EXT2: variants seen among roughly 807,000 people sequenced by gnomAD.
The protein encoded by EXT2 is exostosin glycosyltransferase 2, also known as exostosin-2.
In EXT2, 53 loss-of-function variants were observed where a neutral mutation model predicts 81.6. The ratio of observed to expected loss-of-function variants is 0.65; its 90% CI spans 0.52 to 0.82. The LOEUF is 0.82. Ranked by LOEUF, EXT2 falls within the 40% of genes least tolerant of loss-of-function variation. EXT2 has a pLI of 0.00. For synonymous variants in EXT2, 320 were observed against 340.0 expected, an observed-to-expected ratio of 0.94 and a Z score of 0.65; for missense variants, 774 against 910.2, an observed-to-expected ratio of 0.85 and a Z score of 1.93.
rs1439728927 is a variant in EXT2 at position 44,220,121 on chromosome 11, T to A, written c.1663-12232T>A. 6.6e-6 allele frequency among the ~76,000 whole-genome samples: 1 copy of A among 152,196 alleles called. No homozygotes were observed. Among genetic ancestry groups the A allele is most frequent in the East Asian group, 1.9e-4 (1 of 5,190 alleles). ...GTGTTGCTGGTGCTGGAATTCACAG[T>A]GAGCCAGGCCTGGTTTTGGTGTGCA... On this transcript the variant is annotated intron_variant, in intron 10 of 13. Transcript: ENST00000533608. The surrounding 1 kb of genome is among the most constrained non-coding windows in gnomAD (Gnocchi z 4.4).
At chr11:44,204,319 A>G (rs1955555980) in intron 9 of EXT2, among the ~76,000 whole-genome samples, 1 of 152,216 alleles carries the variant, frequency 6.6e-6, no homozygotes, top group Non-Finnish European at 1.5e-5. Context: ...GTGTGCTCAT[A>G]TATTTTCATG....
intron 13 of EXT2, among the ~76,000 whole-genome samples, chr11:44,239,774 A>G (rs1956015102): frequency 1.5e-5 from 2 of 133,102 alleles, no homozygotes; most frequent in African/African-American, 2.9e-5. Context: ...TTATGTATGT[A>G]TATCAAGATA....
intron 13 of EXT2, among the ~76,000 whole-genome samples, chr11:44,237,313 G>A (rs1223343337): frequency 6.6e-6 from 1 of 151,842 alleles, no homozygotes; most frequent in Non-Finnish European, 1.5e-5. Flanking sequence ...CAGTTGGCCT[G>A]GCTTCTATAA....
chr11:44,119,558 C>T (rs1379105689), intron 4 of EXT2, among the ~76,000 whole-genome samples: 5 of 152,186 alleles, frequency 3.3e-5, no homozygotes, highest in Admixed American at 1.3e-4. Flanking sequence ...CTGCCTGGCA[C>T]GTGCCAAACT....
Position 44,172,379 on chromosome 11 carries a change from G to A in EXT2, c.1305+637G>A, listed in dbSNP as rs995571191. ...TAGAAACTGTGGCAGTGGCTTCTAG[G>A]CACAGCTTCTTTCTCACTGAAAATG... On this transcript the variant is annotated intron_variant, in intron 8 of 13. Coordinates refer to ENST00000533608, the MANE Select transcript of EXT2 (RefSeq NM_207122.2). 2.0e-5 allele frequency among the ~76,000 whole-genome samples: 3 copies of A among 152,184 alleles called. No individual in the cohort carries two copies. The East Asian group carries it at 5.8e-4, about 29-fold the overall frequency.
intron 7 of EXT2, among the ~76,000 whole-genome samples, chr11:44,140,466 C>T (rs1372100374): frequency 1.3e-5 from 2 of 152,134 alleles, no homozygotes; most frequent in East Asian, 1.9e-4. Flanking sequence ...AGAGGCTGCT[C>T]CTGCCTCTAT....
In EXT2 at chr11:44,150,455, G is replaced by A. The variant is rs184331441; in HGVS notation, c.1173+20317G>A. On this transcript the variant is annotated intron_variant, in intron 7 of 13. Coordinates refer to ENST00000533608, the MANE Select transcript of EXT2 (RefSeq NM_207122.2). ...TGGGATAAGGTAAAAAGAAAATTGA[G>A]ATTAAATCCTAGGAGAAATTAATTC... Among the ~76,000 whole-genome samples the A allele has an allele frequency of 4.6e-5, 7 of 152,280 alleles. No homozygotes were observed. In the East Asian group the frequency reaches 1.3e-3, roughly 29 times the overall value.
At chr11:44,189,714 A>G (rs546560546) in intron 8 of EXT2, among the ~76,000 whole-genome samples, 1 of 152,350 alleles carries the variant, frequency 6.6e-6, no homozygotes, top group Non-Finnish European at 1.5e-5. Context: ...TTACAATTCA[A>G]TGTGAGATTT....
intron 8 of EXT2, among the ~76,000 whole-genome samples, chr11:44,186,585 T>A (rs1253305996): frequency 3.3e-5 from 5 of 152,210 alleles, no homozygotes; most frequent in Non-Finnish European, 7.3e-5. Context: ...AATGTGAATT[T>A]CAGTGCTATA....
intron 7 of EXT2, among the ~76,000 whole-genome samples, chr11:44,135,751 T>C (rs888148162): frequency 4.6e-5 from 7 of 152,218 alleles, no homozygotes; most frequent in African/African-American, 1.7e-4. Context: ...ATAGCCAGCT[T>C]TTCAGGTTTC....
chr11:44,219,666 T>C (rs1955761452), intron 10 of EXT2, among the ~76,000 whole-genome samples: 2 of 152,224 alleles, frequency 1.3e-5, no homozygotes, highest in Admixed American at 6.5e-5. Context: ...CAGGAGGGTC[T>C]CTGCAGAAGG....
chr11:44,211,745 C>A (rs1483187571), intron 10 of EXT2, among the ~76,000 whole-genome samples: 1 of 152,034 alleles, frequency 6.6e-6, no homozygotes, highest in Non-Finnish European at 1.5e-5. Context: ...TGTTATATTT[C>A]AATATTGCTA....
At chr11:44,110,032 C>T (rs541328518) in intron 3 of EXT2, among the ~76,000 whole-genome samples, 7 of 152,222 alleles carry the variant, frequency 4.6e-5, no homozygotes, top group Middle Eastern at 3.4e-3. Flanking sequence ...ATATAAGCGT[C>T]GCGGGCAATG....
At chr11:44,128,046 T>A (rs1272120782) in intron 6 of EXT2, among the ~76,000 whole-genome samples, 1 of 152,204 alleles carries the variant, frequency 6.6e-6, no homozygotes, top group African/African-American at 2.4e-5. Context: ...CCTCAAATGC[T>A]TACTGGTTTT....
chr11:44,149,628 A>C (rs937923793), intron 7 of EXT2, among the ~76,000 whole-genome samples: 1 of 152,212 alleles, frequency 6.6e-6, no homozygotes, highest in Non-Finnish European at 1.5e-5. Context: ...GGACTTCATC[A>C]TTTAGACCTC....
At chr11:44,178,836 C>G (rs1458992084) in intron 8 of EXT2, among the ~76,000 whole-genome samples, 1 of 151,922 alleles carries the variant, frequency 6.6e-6, no homozygotes, top group African/African-American at 2.4e-5. Context: ...GAAATTTTAG[C>G]TTGAATTTAA....
intron 9 of EXT2, among the ~76,000 whole-genome samples, chr11:44,202,604 T>G (rs552046745): frequency 1.1e-4 from 17 of 152,270 alleles, no homozygotes; most frequent in African/African-American, 4.1e-4. Flanking sequence ...CTGTACCACT[T>G]TGACACTGCT....
chr11:44,167,715 C>T (rs920602436), intron 7 of EXT2, among the ~76,000 whole-genome samples: 7 of 152,034 alleles, frequency 4.6e-5, no homozygotes, highest in African/African-American at 1.2e-4. Flanking sequence ...AAGAGAAAAA[C>T]GACAGTAGAA....
At chr11:44,214,751 C>CTT (rs535100279) in intron 10 of EXT2, among the ~76,000 whole-genome samples, 33 of 138,532 alleles carry the variant, frequency 2.4e-4, no homozygotes, top group South Asian at 7.0e-4. Flanking sequence ...AAAGAATTGA[C>CTT]TTTTTTTTTT....
Sources: gnomAD v4.1 joint callset for allele counts (sites outside exome capture counted in the v4.1 genomes callset) on GRCh38, gnomAD v4.1.1 for gene constraint, Gnocchi (gnomAD v3.1) non-coding constraint, MANE v1.5 for transcripts, NCBI Gene and HGNC (gene_info 2026-07-23, HGNC 2026-07-21) for gene names.